Variants in PRIM2 observed in about 807,000 individuals in gnomAD.
PRIM2 encodes the protein DNA primase subunit 2.
A neutral mutation model predicts 67.3 loss-of-function variants in PRIM2; 39 were observed. The observed-to-expected ratio is 0.58, with a 90% CI of 0.45 to 0.76. The LOEUF (loss-of-function observed/expected upper bound fraction) is 0.76, where lower values mean the gene tolerates loss of function less well. Among genes scored for constraint, PRIM2 ranks in the 30% least tolerant of loss-of-function variants. PRIM2 has a pLI of 0.00. For synonymous variants in PRIM2, 143 were observed against 198.7 expected, an observed-to-expected ratio of 0.72 and a Z score of 2.36; for missense variants, 398 against 598.7, an observed-to-expected ratio of 0.66 and a Z score of 3.50.
chr6:57,424,621 A>G (rs879834431), intron 7 of PRIM2, among the ~76,000 whole-genome samples: 15 of 152,218 alleles, frequency 9.9e-5, no homozygotes, highest in Non-Finnish European at 1.8e-4. Context: ...ATTACCATTA[A>G]ATCAAAGCAA....
chr6:57,641,463 T>C (rs1777232458), intron 13 of PRIM2, among the ~76,000 whole-genome samples: 1 of 152,114 alleles, frequency 6.6e-6, no homozygotes, highest in South Asian at 2.1e-4. Flanking sequence ...ACCTACAGAA[T>C]GGGAGAAAAT....
At chr6:57,637,593 G>T (rs1777143849) in intron 13 of PRIM2, among the ~76,000 whole-genome samples, 1 of 152,112 alleles carries the variant, frequency 6.6e-6, no homozygotes, top group Admixed American at 6.5e-5. Context: ...CACAGCAAGA[G>T]AACTTCATGA....
At chr6:57,605,890 GGA>G (rs1776553610) in intron 11 of PRIM2, among the ~76,000 whole-genome samples, 1 of 151,960 alleles carries the variant, frequency 6.6e-6, no homozygotes, top group Admixed American at 6.6e-5. Context: ...CTACGCTTTA[GGA>G]AATAGGCATA....
upstream of PRIM2, among the ~76,000 whole-genome samples, chr6:57,316,830 T>A (rs549807954): frequency 2.0e-5 from 3 of 152,362 alleles, no homozygotes; most frequent in East Asian, 5.8e-4. Context: ...TTCCAGTGCT[T>A]CATCTTCTTC....
At chr6:57,497,061 A>G (rs1774020759) in intron 7 of PRIM2, among the ~76,000 whole-genome samples, 1 of 152,220 alleles carries the variant, frequency 6.6e-6, no homozygotes, top group South Asian at 2.1e-4. Flanking sequence ...CCATAGGATA[A>G]CAATGGCACT....
At chr6:57,644,826 A>C (rs1290299166) in intron 13 of PRIM2, among the ~76,000 whole-genome samples, 2 of 152,332 alleles carry the variant, frequency 1.3e-5, no homozygotes, top group South Asian at 4.1e-4. Context: ...TTTGTTGTCA[A>C]CTCCAACTGC....
intron 7 of PRIM2, among the ~76,000 whole-genome samples, chr6:57,459,727 A>G (rs1772933618): frequency 1.3e-5 from 2 of 152,298 alleles, no homozygotes; most frequent in African/African-American, 4.8e-5. Flanking sequence ...CTTCAAAAAC[A>G]TGTTTTTGCT....
At chr6:57,338,089 A>C in intron 5 of PRIM2, among the ~76,000 whole-genome samples, 1 of 151,688 alleles carries the variant, frequency 6.6e-6, no homozygotes, top group African/African-American at 2.4e-5. Context: ...CCTCTATGCA[A>C]ATAAACTAGA....
At chr6:57,287,647 T>C in the PRIM2 span, among the ~76,000 whole-genome samples, 1 of 151,828 alleles carries the variant, frequency 6.6e-6, no homozygotes, top group South Asian at 2.1e-4. Context: ...TTAAGACAAA[T>C]ACCTGATGCA....
chr6:57,421,094 A>G (rs777203224), intron 7 of PRIM2, among the ~76,000 whole-genome samples: 1 of 152,210 alleles, frequency 6.6e-6, no homozygotes, highest in South Asian at 2.1e-4. Flanking sequence ...GAGCACTCAG[A>G]GAAGCTCAAA....
chr6:57,256,631 TACACACACACACACAC>T, the PRIM2 span, among the ~76,000 whole-genome samples: 4 of 140,940 alleles, frequency 2.8e-5, no homozygotes, highest in Non-Finnish European at 6.2e-5. Flanking sequence ...CTCTTTCTCT[TACACACACACACACAC>T]ACACACACAC....
At chr6:57,424,376 T>C (rs760335123) in intron 7 of PRIM2, among the ~76,000 whole-genome samples, 58 of 152,108 alleles carry the variant, frequency 3.8e-4, no homozygotes, top group Non-Finnish European at 7.9e-4. Context: ...TTAAACAACA[T>C]TGAGAGCCTG....
chr6:57,377,568 C>G (rs1769811393), intron 5 of PRIM2, among the ~76,000 whole-genome samples: 1 of 151,134 alleles, frequency 6.6e-6, no homozygotes, highest in Non-Finnish European at 1.5e-5. Context: ...ATCTCAGAAT[C>G]ACTAGATAAG....
chr6:57,396,862 T>A (rs1581861528), intron 7 of PRIM2, among the ~76,000 whole-genome samples: 1 of 152,236 alleles, frequency 6.6e-6, no homozygotes, highest in Non-Finnish European at 1.5e-5. Flanking sequence ...GGTGGCTTGG[T>A]AATGGTGAAT....
the PRIM2 span, among the ~76,000 whole-genome samples, chr6:57,285,306 G>T: frequency 6.6e-6 from 1 of 151,874 alleles, no homozygotes; most frequent in Admixed American, 6.6e-5. Flanking sequence ...CCAAAACCTG[G>T]CAGACACAAC....
At chr6:57,344,479 G>A (rs1348295947) in intron 5 of PRIM2, among the ~76,000 whole-genome samples, 2 of 151,364 alleles carry the variant, frequency 1.3e-5, no homozygotes, top group Admixed American at 6.6e-5. Context: ...TTTAGAAAGA[G>A]CACTGTGTAT....
At chr6:57,336,123 A>T (rs1219159962) in intron 5 of PRIM2, among the ~76,000 whole-genome samples, 1 of 152,212 alleles carries the variant, frequency 6.6e-6, no homozygotes, top group East Asian at 1.9e-4. Context: ...TGGAAGATGA[A>T]ATGAATGAAA....
At chr6:57,366,321 A>T (rs965135676) in intron 5 of PRIM2, among the ~76,000 whole-genome samples, 5 of 152,192 alleles carry the variant, frequency 3.3e-5, no homozygotes, top group Non-Finnish European at 7.3e-5. Context: ...AGGGCAAAGT[A>T]TTTTAGGGGA....
chr6:57,513,115 T>G (rs1554347872), intron 8 of PRIM2, among the ~76,000 whole-genome samples: 41,621 of 150,406 alleles, frequency 0.28, 6,120 homozygotes, highest in East Asian at 0.44. Flanking sequence ...AAATTGCATA[T>G]GATTAGATAT....
Sources: gnomAD v4.1 joint callset for allele counts (sites outside exome capture counted in the v4.1 genomes callset) on GRCh38, gnomAD v4.1.1 for gene constraint, MANE v1.5 for transcripts, NCBI Gene and HGNC (gene_info 2026-07-23, HGNC 2026-07-21) for gene names.